Variants in LRRIQ3 observed in about 807,000 individuals in gnomAD.
LRRIQ3 encodes leucine-rich repeat and IQ domain-containing protein 3.
LRRIQ3 carries 75 observed loss-of-function variants against 59.3 expected under a neutral mutation model. That is an observed-to-expected ratio of 1.26 (90% CI 1.05 to 1.53). The LOEUF (loss-of-function observed/expected upper bound fraction) is 1.53. Ranked by LOEUF, LRRIQ3 falls within the 40% of genes most tolerant of loss-of-function variation. LRRIQ3 has a pLI of 0.00. For missense variants in LRRIQ3, 831 were observed against 710.0 expected, an observed-to-expected ratio of 1.17 and a Z score of -1.94; for synonymous variants, 250 against 231.3, an observed-to-expected ratio of 1.08 and a Z score of -0.73.
Position 74,055,191 on chromosome 1 carries a change from T to C in LRRIQ3, c.998-13258A>G, listed in dbSNP as rs1447394943. 4.1e-5 allele frequency among the ~76,000 whole-genome samples: 4 copies of C among 96,848 alleles called. No individual in the cohort carries two copies. The East Asian group carries it at 8.9e-4, about 22-fold the overall frequency. 63.5% of individuals were successfully genotyped at this position (96,848 alleles called of 152,430 possible). ...CATACATATACACTTTATATATATA[T>C]ATATATATATATATATATATACACA... On this transcript the variant is annotated intron_variant, in intron 6 of 7. Coordinates refer to ENST00000354431, the MANE Select transcript of LRRIQ3 (RefSeq NM_001105659.2).
At chr1:74,099,595 C>G (rs1005946474) in intron 5 of LRRIQ3, among the ~76,000 whole-genome samples, 2 of 152,010 alleles carry the variant, frequency 1.3e-5, no homozygotes, top group African/African-American at 4.8e-5. Flanking sequence ...CTAGCAGAGA[C>G]ACAACAAAAA....
At chr1:74,076,298 G>A (rs1646208910) in intron 5 of LRRIQ3, among the ~76,000 whole-genome samples, 1 of 151,900 alleles carries the variant, frequency 6.6e-6, no homozygotes, top group Admixed American at 6.6e-5. Context: ...TTTGTTTCTG[G>A]AACATTTACA....
intron 3 of LRRIQ3, among the ~76,000 whole-genome samples, chr1:74,161,226 A>G (rs1366914758): frequency 6.6e-6 from 1 of 151,894 alleles, no homozygotes; most frequent in Non-Finnish European, 1.5e-5. Flanking sequence ...TGAGGGTTCT[A>G]CCCTCATGAC....
At chr1:74,058,194 T>C (rs796893394) in intron 6 of LRRIQ3, among the ~76,000 whole-genome samples, 28 of 152,092 alleles carry the variant, frequency 1.8e-4, no homozygotes, top group African/African-American at 6.7e-4. Flanking sequence ...AATAGAAGTA[T>C]CATATGATCC....
intron 4 of LRRIQ3, among the ~76,000 whole-genome samples, chr1:74,141,792 T>C (rs973221781): frequency 6.6e-6 from 1 of 151,846 alleles, no homozygotes; most frequent in Non-Finnish European, 1.5e-5. Flanking sequence ...GCTCATTTTG[T>C]TGCTTCATGA....
At chr1:74,055,641 C>G (rs963943481) in intron 6 of LRRIQ3, among the ~76,000 whole-genome samples, 15 of 151,684 alleles carry the variant, frequency 9.9e-5, no homozygotes, top group Admixed American at 6.6e-5. Flanking sequence ...TATTTGTTTC[C>G]ACCTTTGAAC....
At chr1:74,043,416 C>T (rs1455070536) in intron 6 of LRRIQ3, among the ~76,000 whole-genome samples, 1 of 152,114 alleles carries the variant, frequency 6.6e-6, no homozygotes, top group African/African-American at 2.4e-5. Context: ...ATTGAATAGG[C>T]AAGATTTTCA....
chr1:74,058,775 A>G (rs1285228165), intron 6 of LRRIQ3, among the ~76,000 whole-genome samples: 2 of 152,098 alleles, frequency 1.3e-5, no homozygotes, highest in African/African-American at 4.8e-5. Flanking sequence ...TATTCTAATT[A>G]TGCTATTGAT....
intron 4 of LRRIQ3, among the ~76,000 whole-genome samples, chr1:74,142,283 C>A (rs1647294379): frequency 6.6e-6 from 1 of 151,950 alleles, no homozygotes; most frequent in African/African-American, 2.4e-5. Flanking sequence ...CCAGTACTTC[C>A]ACTTTACTAA....
At chr1:74,087,486 A>T (rs1646340860) in intron 5 of LRRIQ3, among the ~76,000 whole-genome samples, 1 of 133,838 alleles carries the variant, frequency 7.5e-6, no homozygotes, top group African/African-American at 2.8e-5. Flanking sequence ...TCTCTATTTC[A>T]TCTGTATTCC....
At chr1:74,086,246 C>T (rs766541545) in intron 5 of LRRIQ3, among the ~76,000 whole-genome samples, 6 of 152,090 alleles carry the variant, frequency 3.9e-5, no homozygotes, top group Non-Finnish European at 8.8e-5. Context: ...GAGCCATTTC[C>T]TAAGCCTCTA....
intron 1 of LRRIQ3, among the ~76,000 whole-genome samples, chr1:74,185,506 T>C (rs1650304442): frequency 6.6e-6 from 1 of 152,228 alleles, no homozygotes; most frequent in Non-Finnish European, 1.5e-5. Context: ...TATTGTGTTA[T>C]TGTTGAGTTT....
chr1:74,092,371 T>C (rs1188204784), intron 5 of LRRIQ3, among the ~76,000 whole-genome samples: 3 of 152,034 alleles, frequency 2.0e-5, no homozygotes, highest in South Asian at 2.1e-4. Context: ...CTGATAGCAA[T>C]ATGGTAGCTG....
intron 6 of LRRIQ3, among the ~76,000 whole-genome samples, chr1:74,061,713 G>A (rs1654726115): frequency 6.6e-6 from 1 of 152,080 alleles, no homozygotes; most frequent in Non-Finnish European, 1.5e-5. Flanking sequence ...TGATCAACAT[G>A]GTAAAAGCAA....
intron 1 of LRRIQ3, among the ~76,000 whole-genome samples, chr1:74,190,494 A>C (rs1006768488): frequency 6.6e-6 from 1 of 152,068 alleles, no homozygotes; most frequent in Non-Finnish European, 1.5e-5. Flanking sequence ...AGACTGAAAA[A>C]AAACATAACA....
At chr1:74,155,021 T>G (rs181125233) in intron 4 of LRRIQ3, among the ~76,000 whole-genome samples, 15 of 152,356 alleles carry the variant, frequency 9.8e-5, no homozygotes, top group Admixed American at 9.1e-4. Context: ...TACCACAGAA[T>G]GTTGAATCTC....
At chr1:74,124,408 T>C (rs1458907689) in intron 4 of LRRIQ3, among the ~76,000 whole-genome samples, 18 of 151,952 alleles carry the variant, frequency 1.2e-4, no homozygotes, top group Admixed American at 1.2e-3. Context: ...CCTGTGCTTG[T>C]GGAGTATTAC....
intron 5 of LRRIQ3, chr1:74,082,364 G>A (rs1479807966): frequency 6.6e-6 from 1 of 151,420 alleles, no homozygotes; most frequent in Admixed American, 6.6e-5. Flanking sequence ...TTTAATGAAA[G>A]AGACATACGT....
chr1:74,081,467 T>C (rs1215777912), intron 5 of LRRIQ3, among the ~76,000 whole-genome samples: 2 of 151,618 alleles, frequency 1.3e-5, no homozygotes, highest in East Asian at 3.9e-4. Context: ...CACTTGGTAG[T>C]AGCCTTTGTA....
Sources: gnomAD v4.1 joint callset for allele counts (sites outside exome capture counted in the v4.1 genomes callset) on GRCh38, gnomAD v4.1.1 for gene constraint, MANE v1.5 for transcripts, NCBI Gene and HGNC (gene_info 2026-07-23, HGNC 2026-07-21) for gene names.